The following LRPPRC variants were observed in gnomAD, a reference collection of about 807,000 sequenced individuals.
LRPPRC encodes leucine-rich PPR motif-containing protein, mitochondrial.
LRPPRC carries 120 observed loss-of-function variants against 180.3 expected under a neutral mutation model. That is an observed-to-expected ratio of 0.67 (90% CI 0.57 to 0.77). The LOEUF (loss-of-function observed/expected upper bound fraction) is 0.77, where lower values mean the gene tolerates loss of function less well. Among genes scored for constraint, LRPPRC ranks in the 30% least tolerant of loss-of-function variants. The probability of loss-of-function intolerance (pLI) is 0.00; values close to 1 mark genes in which losing one functional copy is unlikely to be tolerated. For missense variants in LRPPRC, 2,012 were observed against 1,657.2 expected, an observed-to-expected ratio of 1.21 and a Z score of -3.72; for synonymous variants, 723 against 600.0, an observed-to-expected ratio of 1.21 and a Z score of -3.00.
At chr2:43,979,667 A>G (rs1045030141) in intron 3 of LRPPRC, among the ~76,000 whole-genome samples, 159 bp downstream of exon 3, 2 of 152,180 alleles carry the variant, frequency 1.3e-5, no homozygotes, top group African/African-American at 4.8e-5. Flanking sequence ...ATGACCCTAG[A>G]TGTCACTATA....
chr2:43,894,471 C>T, intron 36 of LRPPRC, 74 bp downstream of exon 36: 2 of 784,870 alleles, frequency 2.5e-6, no homozygotes, highest in Non-Finnish European at 4.5e-6. Context: ...TACTACAAGT[C>T]ATTTACATGA....
intron 25 of LRPPRC, among the ~76,000 whole-genome samples, chr2:43,929,288 T>C (rs762951257): frequency 2.6e-5 from 4 of 152,188 alleles, no homozygotes; most frequent in African/African-American, 4.8e-5. Context: ...ATTACAGTAA[T>C]ACAATAAGTA....
At chr2:43,901,721 T>TA in intron 31 of LRPPRC, 197 bp from the exon 32 acceptor site, 1 of 561,856 alleles carries the variant, frequency 1.8e-6, no homozygotes, top group Non-Finnish European at 3.1e-6. Context: ...TATAAGATAT[T>TA]AGAGGCCCGA....
At position 43,912,508 on chromosome 2, in the gene LRPPRC, C is replaced by T. The variant is rs767391720; in HGVS notation, c.3199G>A (p.Ala1067Thr). The T allele has an allele frequency of 1.9e-6, 3 of 1,601,524 alleles. No homozygotes were observed. Among genetic ancestry groups the T allele is most frequent in the African/African-American group, 2.7e-5 (2 of 74,624 alleles). Residue 1067 changes from alanine (A) to threonine (T), a missense_variant, in exon 30 of 38, where the codon GCT becomes ACT. Coordinates refer to ENST00000260665, the MANE Select transcript of LRPPRC (RefSeq NM_133259.4). ...NAKEQNIVFNAETYSNLIKLL... is the reference protein window; with the variant it reads ...NAKEQNIVFNTETYSNLIKLL... ...TTAATGAGATTGCTGTAGGTTTCAG[C>T]ATTAAACACAATGTTTTGCTCTTTT...
In LRPPRC at chr2:43,889,717, A is replaced by T; in HGVS notation, c.4128+17T>A. ...ATCTGCAGAGGTATTTTTTCCCCTT[A>T]ATTAAGAAATACTCACAGGGGGTTC... On this transcript the variant is annotated intron_variant, in intron 37 of 37. Coordinates refer to ENST00000260665, the MANE Select transcript of LRPPRC (RefSeq NM_133259.4). The T allele has an allele frequency of 6.3e-7, 1 of 1,599,856 alleles. No individual in the cohort carries two copies.
chr2:43,980,371 T>C (rs961564316), intron 2 of LRPPRC, among the ~76,000 whole-genome samples: 40 of 151,990 alleles, frequency 2.6e-4, no homozygotes, highest in African/African-American at 9.2e-4. Flanking sequence ...CTGACCAACA[T>C]GGAGAAACCC....
At chr2:43,892,193 AC>A (rs2104974912) in intron 36 of LRPPRC, among the ~76,000 whole-genome samples, 1 of 152,366 alleles carries the variant, frequency 6.6e-6, no homozygotes, top group African/African-American at 2.4e-5. Context: ...AGGCGGCTAC[AC>A]TAAACAACAG....
chr2:43,991,419 C>T (rs1335309753), intron 1 of LRPPRC, among the ~76,000 whole-genome samples: 1 of 152,158 alleles, frequency 6.6e-6, no homozygotes, highest in East Asian at 1.9e-4. Flanking sequence ...AAATAAAAAT[C>T]ACACCATCCC....
intron 14 of LRPPRC, among the ~76,000 whole-genome samples, chr2:43,956,913 G>C (rs1190194886): frequency 2.6e-5 from 4 of 152,040 alleles, no homozygotes; most frequent in Non-Finnish European, 5.9e-5. Flanking sequence ...AAATAAAAAA[G>C]GGTGGTATGG....
chr2:43,940,717 C>G (rs1389874203), intron 23 of LRPPRC, among the ~76,000 whole-genome samples: 1 of 152,132 alleles, frequency 6.6e-6, no homozygotes. Flanking sequence ...CTGCATCATA[C>G]AAATTTTTAT....
Position 43,888,606 on chromosome 2 carries a change from A to G in LRPPRC, c.4179T>C (p.Ser1393=), listed in dbSNP as rs1230074549. 2 of 1,586,468 alleles carry G rather than the reference A, an allele frequency of 1.3e-6. No individual in the cohort carries two copies. Among genetic ancestry groups the G allele is most frequent in the East Asian group, 2.2e-5 (1 of 44,718 alleles). Residue 1393 remains serine (S), a synonymous_variant, in exon 38 of 38, where the codon TCT becomes TCC. Coordinates refer to ENST00000260665, the MANE Select transcript of LRPPRC (RefSeq NM_133259.4). ...AQQLRKLREN[S]S is the part of the protein sequence containing the mutation. ...AAAGTATCGCCTGGTTATTTCAAGA[A>G]GAGTTTTCCCTCAATTTTCTTAGCT...
intron 37 of LRPPRC, 72 bp from the exon 38 acceptor site, chr2:43,888,728 T>G (rs1670365703): frequency 1.2e-6 from 1 of 838,544 alleles, no homozygotes; most frequent in Non-Finnish European, 2.1e-6. Context: ...TAAAAAATCA[T>G]AAAACACTAC....
At chr2:43,906,006 G>C (rs1671055983) in intron 30 of LRPPRC, among the ~76,000 whole-genome samples, 1 of 152,066 alleles carries the variant, frequency 6.6e-6, no homozygotes, top group Non-Finnish European at 1.5e-5. Flanking sequence ...AGCAACAAAA[G>C]AAACAAAGTA....
chr2:43,949,565 T>C (rs202198878), intron 16 of LRPPRC, 37 bp downstream of exon 16: 2 of 1,549,284 alleles, frequency 1.3e-6, no homozygotes, highest in African/African-American at 2.7e-5. Context: ...AAAATGGATT[T>C]GTGGATAAGT....
At chr2:43,974,056 A>G (rs1403484442) in intron 9 of LRPPRC, 94 bp downstream of exon 9, 3 of 1,329,036 alleles carry the variant, frequency 2.3e-6, no homozygotes, top group Non-Finnish European at 3.3e-6. Context: ...TATGATGTTT[A>G]CAACTGGTCT....
chr2:43,895,384 C>T (rs1572889687), intron 35 of LRPPRC, among the ~76,000 whole-genome samples: 1 of 152,258 alleles, frequency 6.6e-6, no homozygotes, highest in Middle Eastern at 3.4e-3. Flanking sequence ...CTGCATCCTC[C>T]CAGGGCTTCT....
At chr2:43,966,464 G>A (rs910783974) in intron 11 of LRPPRC, among the ~76,000 whole-genome samples, 3 of 151,194 alleles carry the variant, frequency 2.0e-5, no homozygotes, top group East Asian at 2.0e-4. Flanking sequence ...AAGCTGGAGT[G>A]CAATGGTGCG....
At chr2:43,923,892 T>A (rs984558103) in intron 27 of LRPPRC, among the ~76,000 whole-genome samples, 6 of 152,206 alleles carry the variant, frequency 3.9e-5, no homozygotes, top group African/African-American at 7.2e-5. Flanking sequence ...ACACAGATTA[T>A]AATTTGCAAT....
chr2:43,974,088 C>A, intron 9 of LRPPRC, 62 bp downstream of exon 9: 1 of 1,479,308 alleles, frequency 6.8e-7, no homozygotes, highest in Non-Finnish European at 9.4e-7. Context: ...TGTTCCTATA[C>A]TTTAAAGAAT....
Sources: allele counts gnomAD v4.1 joint callset (sites outside exome capture counted in the v4.1 genomes callset), GRCh38; gene constraint gnomAD v4.1.1; transcripts MANE v1.5; gene names NCBI Gene and HGNC (gene_info 2026-07-23, HGNC 2026-07-21).